ABCC12: variants seen among roughly 807,000 people sequenced by gnomAD.
ABCC12 encodes the protein ATP binding cassette subfamily C member 12.
A neutral mutation model predicts 151.1 loss-of-function variants in ABCC12; 142 were observed. That is an observed-to-expected ratio of 0.94 (90% confidence interval 0.82 to 1.08). The LOEUF is 1.08. ABCC12 is among the 50% of genes least tolerant of loss of function. The pLI, the probability that ABCC12 is intolerant of heterozygous loss-of-function variation, is 0.00. For synonymous variants in ABCC12, 645 were observed against 646.4 expected, an observed-to-expected ratio of 1.00 and a Z score of 0.03; for missense variants, 1,638 against 1,691.1, an observed-to-expected ratio of 0.97 and a Z score of 0.55.
In ABCC12 at chr16:48,121,775, C is replaced by G; in HGVS notation, c.1653G>C (p.Trp551Cys). The change falls in exon 13 of 31, where the codon TGG becomes TGC. Residue 551 changes from tryptophan (W) to cysteine (C), a missense_variant. Trp to Cys is a radical substitution (Grantham distance 215, BLOSUM62 -2). Coordinates refer to ENST00000311303, the MANE Select transcript of ABCC12 (RefSeq NM_001393797.1). Reference protein sequence around the residue: ...GTLAYVSQQAWIFHGNVRENI... With the variant: ...GTLAYVSQQACIFHGNVRENI... ...TTTCTCTCACATTTCCATGAAAGATCCATGCCTGCTGTGAAACGTAGGCCA... is the reference window on the plus strand; with the variant it reads ...TTTCTCTCACATTTCCATGAAAGATGCATGCCTGCTGTGAAACGTAGGCCA... The G allele has an allele frequency of 6.2e-7, 1 of 1,614,172 alleles. No individual in the cohort carries two copies. Among genetic ancestry groups the G allele is most frequent in the Non-Finnish European group, 8.5e-7 (1 of 1,180,036 alleles).
At chr16:48,148,768 C>T (rs1965077337) in intron 2 of ABCC12, among the ~76,000 whole-genome samples, 1 of 151,356 alleles carries the variant, frequency 6.6e-6, no homozygotes, top group Admixed American at 6.6e-5. Flanking sequence ...GTATTTACTA[C>T]TGGCACAACC....
rs762219841 is a variant in ABCC12 at position 48,146,398 on chromosome 16, G to A, written c.27C>T (p.Ile9=). The change falls in exon 3 of 31, where the codon ATC becomes ATT. Residue 9 remains isoleucine (I), a synonymous_variant. Transcript: ENST00000311303. MVGEGPYL[I]SDLDQRGRRR... is the part of the protein sequence containing the mutation. ...GCCGGCCTCGCTGGTCCAGATCTGA[G>A]ATAAGGTAGGGTCCTTCACCCACCA... is the stretch of plus-strand genomic sequence containing the variant. 3 of 1,614,220 alleles carry A rather than the reference G, an allele frequency of 1.9e-6. No individual in the cohort carries two copies. The highest frequency in any genetic ancestry group is 1.7e-6 in the Non-Finnish European group (2 of 1,180,040).
At chr16:48,113,401 A>G (rs1963766679) in intron 15 of ABCC12, among the ~76,000 whole-genome samples, 2 of 152,180 alleles carry the variant, frequency 1.3e-5, no homozygotes. Context: ...GCTCCCGGGG[A>G]AGCCCCCTCT....
At position 48,148,668 on chromosome 16, in the gene ABCC12, A is replaced by G. The variant is rs148812132; in HGVS notation, c.-50-2194T>C. Among the ~76,000 whole-genome samples the G allele has an allele frequency of 1.1e-4, 16 of 152,004 alleles. No individual in the cohort carries two copies. The East Asian group carries it at 3.1e-3, about 29-fold the overall frequency. ...CTGCATACTCTACTCTCCACCTTCT[A>G]TTTGTACCATTGAATACTGCACTCC... On this transcript the variant is annotated intron_variant, in intron 2 of 30. Transcript: ENST00000311303.
chr16:48,132,673 C>T (rs1964468033), intron 9 of ABCC12, among the ~76,000 whole-genome samples: 1 of 152,158 alleles, frequency 6.6e-6, no homozygotes, highest in African/African-American at 2.4e-5. Context: ...TTGTAAAGAA[C>T]TTGAACATCT....
chr16:48,084,010 T>C lies in ABCC12; in HGVS notation c.3892A>G (p.Thr1298Ala). 6.2e-7 allele frequency: 1 copy of C among 1,612,984 alleles called. No individual in the cohort carries two copies. Among genetic ancestry groups the C allele is most frequent in the Non-Finnish European group, 8.5e-7 (1 of 1,179,780 alleles). ...CAGCCCTTGAAGGCATCTTTGATGG[T>C]GTTCTGAACCAGGGTGTCAGTCTTG... Reference protein sequence around the residue: ...DSKTDTLVQNTIKDAFKGCTV... With the variant: ...DSKTDTLVQNAIKDAFKGCTV... Residue 1298 changes from threonine to alanine, a missense_variant, in exon 30 of 31, where the codon ACC becomes GCC. Physicochemically the swap from Thr to Ala is moderately conservative, Grantham distance 58. Coordinates refer to ENST00000311303, the MANE Select transcript of ABCC12 (RefSeq NM_001393797.1).
intron 11 of ABCC12, among the ~76,000 whole-genome samples, chr16:48,125,043 C>T (rs1964195113): frequency 6.6e-6 from 1 of 152,132 alleles, no homozygotes; most frequent in Non-Finnish European, 1.5e-5. Context: ...CAAGGAAAGC[C>T]TTACTGGAAA....
chr16:48,111,958 C>G, intron 15 of ABCC12, 48 bp from the exon 16 acceptor site: 1 of 1,589,878 alleles, frequency 6.3e-7, no homozygotes, highest in Non-Finnish European at 8.6e-7. Flanking sequence ...GAAAGGAGAG[C>G]CCATGCCAAA....
At chr16:48,105,429 T>C in intron 20 of ABCC12, 93 bp from the exon 21 acceptor site, 3 of 1,268,952 alleles carry the variant, frequency 2.4e-6, no homozygotes, top group Non-Finnish European at 3.3e-6. Flanking sequence ...GAGAAGAAAC[T>C]AAGAAGAAGC....
chr16:48,138,420 T>C (rs774226732), intron 7 of ABCC12, 45 bp from the exon 8 acceptor site: 8 of 1,563,118 alleles, frequency 5.1e-6, no homozygotes, highest in Non-Finnish European at 7.0e-6. Context: ...AAGTGCTGAG[T>C]TGCAGCTGGC....
intron 7 of ABCC12, among the ~76,000 whole-genome samples, chr16:48,138,591 A>G (rs959831740): frequency 6.6e-6 from 1 of 152,128 alleles, no homozygotes; most frequent in Non-Finnish European, 1.5e-5. Context: ...AATTGCCAGG[A>G]CTCAAAGAGA....
chr16:48,154,861 C>T (rs748244552), intron 1 of ABCC12, among the ~76,000 whole-genome samples: 2 of 152,262 alleles, frequency 1.3e-5, no homozygotes, highest in Non-Finnish European at 2.9e-5. Context: ...AGGTATGAGA[C>T]TACAGCCCTA....
chr16:48,081,091 G>T lies in ABCC12; in HGVS notation c.*2624C>A, dbSNP rs1026514061. On this transcript the variant is annotated 3_prime_UTR_variant, in exon 31 of 31. Coordinates refer to ENST00000311303, the MANE Select transcript of ABCC12 (RefSeq NM_001393797.1). ...CTATTCATGAGGTCTCCACCCTCAT[G>T]ACCTAATTAATCACCTCCTAAAGGC... 3.9e-5 allele frequency among the ~76,000 whole-genome samples: 6 copies of T among 152,024 alleles called. No individual in the cohort carries two copies.
In ABCC12 at chr16:48,100,921, C is replaced by T; in HGVS notation, c.2989G>A (p.Gly997Ser). The T allele has an allele frequency of 6.2e-7, 1 of 1,614,180 alleles. No homozygotes were observed. Among genetic ancestry groups the T allele is most frequent in the Non-Finnish European group, 8.5e-7 (1 of 1,180,040 alleles). Residue 997 changes from glycine (G) to serine (S), a missense_variant, in exon 23 of 31, where the codon GGC (glycine) becomes AGC (serine). Physicochemically the swap from Gly to Ser is moderately conservative, Grantham distance 56. Coordinates refer to ENST00000311303, the MANE Select transcript of ABCC12 (RefSeq NM_001393797.1). ...WFTHITSSMQGLGIIHAYGKK... is the reference protein window; with the variant it reads ...WFTHITSSMQSLGIIHAYGKK... ...CCATAGGCGTGAATGATGCCCAGGCCCTGCATGGAGGAGGTGATGTGGGTG... is the reference window on the plus strand; with the variant it reads ...CCATAGGCGTGAATGATGCCCAGGCTCTGCATGGAGGAGGTGATGTGGGTG...
chr16:48,116,074 A>G (rs973230463), intron 14 of ABCC12, among the ~76,000 whole-genome samples: 3 of 152,216 alleles, frequency 2.0e-5, no homozygotes, highest in Non-Finnish European at 4.4e-5. Flanking sequence ...TCCCATCCCT[A>G]GGCAACTCTA....
intron 20 of ABCC12, among the ~76,000 whole-genome samples, chr16:48,106,711 A>G (rs1425415618): frequency 6.6e-6 from 1 of 151,992 alleles, no homozygotes; most frequent in Non-Finnish European, 1.5e-5. Context: ...TCCCCACAGC[A>G]CTCCCCAGGG....
intron 22 of ABCC12, among the ~76,000 whole-genome samples, chr16:48,102,805 C>G (rs1963353901): frequency 6.6e-6 from 1 of 152,212 alleles, no homozygotes; most frequent in Non-Finnish European, 1.5e-5. Flanking sequence ...CCACACGTAT[C>G]TCTCTTCACA....
chr16:48,133,603 T>C, intron 9 of ABCC12, 84 bp downstream of exon 9: 11 of 1,511,752 alleles, frequency 7.3e-6, no homozygotes, highest in Non-Finnish European at 8.1e-6. Context: ...AATGCCAGTA[T>C]TGAGCGACGG....
At chr16:48,120,600 G>A (rs1964034537) in intron 13 of ABCC12, among the ~76,000 whole-genome samples, 1 of 149,966 alleles carries the variant, frequency 6.7e-6, no homozygotes, top group Non-Finnish European at 1.5e-5. Flanking sequence ...CTTTTGCCCA[G>A]GCTGGAGTGC....
Sources: gnomAD v4.1 joint callset for allele counts (sites outside exome capture counted in the v4.1 genomes callset) on GRCh38, gnomAD v4.1.1 for gene constraint, MANE v1.5 for transcripts, NCBI Gene and HGNC (gene_info 2026-07-23, HGNC 2026-07-21) for gene names.